IGSF9B: variants seen among roughly 807,000 people sequenced by gnomAD.
IGSF9B encodes the protein immunoglobulin superfamily member 9B, also known as protein turtle homolog B.
In IGSF9B, 48 loss-of-function variants were observed where a neutral mutation model predicts 143.7. The ratio of observed to expected loss-of-function variants is 0.33; its 90% confidence interval spans 0.26 to 0.42. The LOEUF (loss-of-function observed/expected upper bound fraction) is 0.42. Ranked by LOEUF, IGSF9B falls within the 20% of genes least tolerant of loss-of-function variation. The probability of loss-of-function intolerance (pLI) is 1.00; values close to 1 mark genes in which losing one functional copy is unlikely to be tolerated. For synonymous variants in IGSF9B, 903 were observed against 833.1 expected, an observed-to-expected ratio of 1.08 and a Z score of -1.44; for missense variants, 1,706 against 1,980.0, an observed-to-expected ratio of 0.86 and a Z score of 2.63.
At chr11:133,952,219 G>C (rs1397855779) in intron 1 of IGSF9B, 1 of 373,544 alleles carries the variant, frequency 2.7e-6, no homozygotes, top group African/African-American at 2.1e-5. Flanking sequence ...AGCAGACTGG[G>C]CTCACACCCA....
At position 133,903,754 on chromosome 11, in the gene IGSF9B, G is replaced by A. The variant is rs2121257877; in HGVS notation, c.*5315C>T. Among the ~76,000 whole-genome samples the A allele has an allele frequency of 6.6e-6, 1 of 152,280 alleles. No individual in the cohort carries two copies. The highest frequency in any genetic ancestry group is 6.5e-5 in the Admixed American group (1 of 15,294). On this transcript the variant is annotated 3_prime_UTR_variant, in exon 20 of 20. Transcript: ENST00000533871. ...GTTATTATACTTGCTCCTGAAAGAAGGTTTTGAGAGTACAGACAGGAACCC... is the reference window on the plus strand; with the variant it reads ...GTTATTATACTTGCTCCTGAAAGAAAGTTTTGAGAGTACAGACAGGAACCC...
At chr11:133,955,960 G>A (rs12273435) in intron 1 of IGSF9B, among the ~76,000 whole-genome samples, 22,482 of 151,998 alleles carry the variant, frequency 0.15, 1,981 homozygotes, top group South Asian at 0.24. Context: ...GGCGGCGTGG[G>A]GCCCGCGCGG....
chr11:133,926,898 C>A lies in IGSF9B; in HGVS notation c.1807+18G>T. 6.4e-7 allele frequency: 1 copy of A among 1,559,686 alleles called. No individual in the cohort carries two copies. Among genetic ancestry groups the A allele is most frequent in the African/African-American group, 1.4e-5 (1 of 73,818 alleles). On this transcript the variant is annotated intron_variant, in intron 13 of 19. Transcript: ENST00000533871. ...CCTCTACAACCCCCGCTCCCAACAT[C>A]CCACCCCGGGCCCTCACCTAAAGTG...
chr11:133,911,572 GAA>G (rs1039407213), intron 19 of IGSF9B, among the ~76,000 whole-genome samples: 2 of 152,216 alleles, frequency 1.3e-5, no homozygotes, highest in Non-Finnish European at 2.9e-5. Flanking sequence ...TGTAGGCACA[GAA>G]AAGTTTCCAA....
At position 133,931,279 on chromosome 11, in the gene IGSF9B, C is replaced by G. The variant is rs981224134; in HGVS notation, c.1369-145G>C. 1 of 978,266 alleles carries G rather than the reference C, an allele frequency of 1.0e-6. No homozygotes were observed. Among genetic ancestry groups the G allele is most frequent in the Non-Finnish European group, 1.5e-6 (1 of 650,844 alleles). 60.6% of individuals were successfully genotyped at this position (978,266 alleles called of 1,614,324 possible). On this transcript the variant is annotated intron_variant, in intron 10 of 19. Transcript: ENST00000533871. This position sits in a 1 kb window ranked among gnomAD's most constrained non-coding sequence, Gnocchi z 7.7. Reference sequence around the variant, plus strand: ...AGTGCCTGCCGCTCTTCAGGGTCAGCTCACTGCTCGGCATCTAGCCTGGTC... The same window carrying G: ...AGTGCCTGCCGCTCTTCAGGGTCAGGTCACTGCTCGGCATCTAGCCTGGTC...
In IGSF9B at chr11:133,956,922, C is replaced by T. The variant is rs758577884; in HGVS notation, c.-168G>A. On this transcript the variant is annotated 5_prime_UTR_variant, in exon 1 of 20. Transcript: ENST00000533871. ...CTCTCCATCCCTCCTAGGCTCCGCT[C>T]GGCTCGGCGCGCGCCTCCCCGGCCC... 1.3e-3 allele frequency: 502 copies of T among 388,358 alleles called. 3 individuals carry two copies. The highest frequency in any genetic ancestry group is 2.0e-3 in the Non-Finnish European group (445 of 217,494). The allele number at this position is 388,358 out of a possible 1,614,324, so 24.1% of individuals were successfully genotyped here.
At chr11:133,946,021 A>C (rs1940041902) in intron 2 of IGSF9B, 40 bp downstream of exon 2, 1 of 1,411,020 alleles carries the variant, frequency 7.1e-7, no homozygotes, top group Non-Finnish European at 9.6e-7. Context: ...AGCTGACTCC[A>C]GCTGGGGAAG....
intron 15 of IGSF9B, 86 bp from the exon 16 acceptor site, chr11:133,922,816 CT>C: frequency 7.7e-7 from 1 of 1,306,180 alleles, no homozygotes. Context: ...GTGTTTCACC[CT>C]GCCTTTGTAG....
Position 133,909,392 on chromosome 11 carries a change from G to A in IGSF9B, c.4106-115C>T. Reference sequence around the variant, plus strand: ...CCGGGTTTCTAATGTTGAAACAAAGGAATCACCTGAGTCTAGAGAGACCAG... The same window carrying A: ...CCGGGTTTCTAATGTTGAAACAAAGAAATCACCTGAGTCTAGAGAGACCAG... On this transcript the variant is annotated intron_variant, in intron 19 of 19. Coordinates refer to ENST00000533871, the MANE Select transcript of IGSF9B (RefSeq NM_001277285.4). The surrounding 1 kb of genome is among the most constrained non-coding windows in gnomAD (Gnocchi z 4.2). 1.2e-6 allele frequency: 1 copy of A among 857,820 alleles called. No homozygotes were observed. Among genetic ancestry groups the A allele is most frequent in the South Asian group, 1.6e-5 (1 of 62,558 alleles). The allele number at this position is 857,820 out of a possible 1,614,324, so 53.1% of individuals were successfully genotyped here.
At chr11:133,952,667 C>T (rs1940182406) in intron 1 of IGSF9B, among the ~76,000 whole-genome samples, 1 of 152,164 alleles carries the variant, frequency 6.6e-6, no homozygotes, top group African/African-American at 2.4e-5. Flanking sequence ...TACAGGTGTG[C>T]ACACATATGC....
intron 6 of IGSF9B, 26 bp from the exon 7 acceptor site, chr11:133,935,788 G>T (rs769306129): frequency 8.7e-6 from 14 of 1,605,306 alleles, no homozygotes; most frequent in Admixed American, 1.7e-5. Flanking sequence ...GGGACAGGGG[G>T]TTGGGCGAGC....
At chr11:133,949,787 G>A (rs746282563) in intron 1 of IGSF9B, among the ~76,000 whole-genome samples, 1 of 152,016 alleles carries the variant, frequency 6.6e-6, no homozygotes, top group South Asian at 2.1e-4. Flanking sequence ...GGAGTGTGCT[G>A]AGCCCCTCTC....
At chr11:133,938,210 G>C (rs543825642) in intron 3 of IGSF9B, 2 of 480,596 alleles carry the variant, frequency 4.2e-6, no homozygotes, top group African/African-American at 3.9e-5. Flanking sequence ...TGTTAACTGA[G>C]CATCTACTCT....
chr11:133,937,117 A>C (rs1591720510), intron 5 of IGSF9B, among the ~76,000 whole-genome samples: 1 of 152,186 alleles, frequency 6.6e-6, no homozygotes, highest in South Asian at 2.1e-4. Context: ...GAAACCAGAA[A>C]CCCACACAGC....
chr11:133,946,661 C>A (rs1365186759), intron 1 of IGSF9B, among the ~76,000 whole-genome samples: 2 of 152,192 alleles, frequency 1.3e-5, no homozygotes, highest in Non-Finnish European at 2.9e-5. Context: ...CTCTGGAGGC[C>A]CACGGCACTG....
intron 18 of IGSF9B, among the ~76,000 whole-genome samples, chr11:133,915,026 A>G (rs1939355444): frequency 6.6e-6 from 1 of 152,142 alleles, no homozygotes; most frequent in South Asian, 2.1e-4. Context: ...AGCTTGATCC[A>G]TAGATGATGC....
Position 133,936,033 on chromosome 11 carries a change from A to C in IGSF9B, c.821+20T>G, listed in dbSNP as rs779188097. ...GGCTGGGGTGGCAACCTCATTGAAA[A>C]GTCAGAGCAGGGTGCTCACTTCTGA... is the stretch of plus-strand genomic sequence containing the variant. On this transcript the variant is annotated intron_variant, in intron 6 of 19. Transcript: ENST00000533871. 6.2e-7 allele frequency: 1 copy of C among 1,611,964 alleles called. No individual in the cohort carries two copies.
At chr11:133,956,113 G>A (rs914834423) in intron 1 of IGSF9B, among the ~76,000 whole-genome samples, 5 of 152,152 alleles carry the variant, frequency 3.3e-5, no homozygotes, top group African/African-American at 1.2e-4. Flanking sequence ...GCCCCTGCTA[G>A]GGGGATCCGA....
intron 1 of IGSF9B, chr11:133,952,178 G>A (rs1940173063): frequency 5.0e-6 from 2 of 403,764 alleles, no homozygotes; most frequent in Non-Finnish European, 1.0e-5. Context: ...AAAGCAGGAA[G>A]ATTCCCAAGA....
Sources: allele counts gnomAD v4.1 joint callset (sites outside exome capture counted in the v4.1 genomes callset), GRCh38; gene constraint gnomAD v4.1.1; non-coding constraint Gnocchi (gnomAD v3.1); transcripts MANE v1.5; gene names NCBI Gene and HGNC (gene_info 2026-07-23, HGNC 2026-07-21).